The following HECTD2 variants were observed in gnomAD, a reference collection of about 807,000 sequenced individuals.
HECTD2 encodes probable E3 ubiquitin-protein ligase HECTD2.
Under a neutral mutation model 103.2 loss-of-function variants are expected in HECTD2, and 35 were observed. The observed-to-expected ratio is 0.34, with a 90% confidence interval of 0.26 to 0.45. The LOEUF is 0.45. HECTD2 is among the 20% of genes least tolerant of loss of function. HECTD2 has a pLI of 1.00. For missense variants in HECTD2, 596 were observed against 937.4 expected (o/e 0.64, Z 4.76); for synonymous variants, 281 against 329.9 (o/e 0.85, Z 1.61).
chr10:91,489,473 G>C (rs576871442), intron 11 of HECTD2: 2 of 152,138 alleles, frequency 1.3e-5, no homozygotes, highest in African/African-American at 4.8e-5. Context: ...GTCAAGAATT[G>C]TATCATTGTT....
At chr10:91,426,604 G>A (rs184444840) in intron 2 of HECTD2, among the ~76,000 whole-genome samples, 51 of 151,150 alleles carry the variant, frequency 3.4e-4, no homozygotes, top group African/African-American at 1.1e-3. Context: ...ACACCCCTCC[G>A]TCACGCCAAT....
At position 91,460,472 on chromosome 10, in the gene HECTD2, G is replaced by A. The variant is rs41286930; in HGVS notation, c.314G>A (p.Arg105His). The change falls in exon 3 of 21, where the codon CGT becomes CAT. Residue 105 changes from arginine (R) to histidine (H), a missense_variant. Transcript: ENST00000298068. ...PICLDVRQKQ[R>H]TSMDASSSEM... Reference sequence around the variant, plus strand: ...TGCCTTGATGTTAGACAAAAACAGCGTACATCTATGGATGCATCATCATCC... The same window carrying A: ...TGCCTTGATGTTAGACAAAAACAGCATACATCTATGGATGCATCATCATCC... The A allele has an allele frequency of 1.0e-4, 169 of 1,611,610 alleles. No homozygotes were observed. Among genetic ancestry groups the A allele is most frequent in the Non-Finnish European group, 1.3e-4 (155 of 1,178,620 alleles).
intron 20 of HECTD2, among the ~76,000 whole-genome samples, chr10:91,509,209 G>A (rs1484347115): frequency 6.6e-6 from 1 of 151,470 alleles, no homozygotes; most frequent in Non-Finnish European, 1.5e-5. Flanking sequence ...CACCAGCATG[G>A]CACATGTATA....
chr10:91,506,370 C>A (rs555545970), intron 20 of HECTD2, among the ~76,000 whole-genome samples: 1 of 152,256 alleles, frequency 6.6e-6, no homozygotes, highest in Non-Finnish European at 1.5e-5. Context: ...AATTGATAGA[C>A]CGCTAGCAAG....
intron 5 of HECTD2, among the ~76,000 whole-genome samples, chr10:91,471,003 G>GACACGCACGCACACACACACAC (rs2133238473): frequency 6.9e-6 from 1 of 144,004 alleles, no homozygotes; most frequent in African/African-American, 2.9e-5. Flanking sequence ...CACACACACA[G>GACACGCACGCACACACACACAC]ACACACACGC....
chr10:91,479,347 AG>A (rs1257806508), intron 6 of HECTD2, among the ~76,000 whole-genome samples: 2 of 152,216 alleles, frequency 1.3e-5, no homozygotes, highest in Non-Finnish European at 2.9e-5. Flanking sequence ...CATAAATTTC[AG>A]AATCAATAGA....
At chr10:91,438,440 C>T (rs1316201925) in intron 2 of HECTD2, among the ~76,000 whole-genome samples, 1 of 152,148 alleles carries the variant, frequency 6.6e-6, no homozygotes, top group Non-Finnish European at 1.5e-5. Flanking sequence ...CATAGTATTC[C>T]ATGGTGCATA....
chr10:91,471,276 G>C (rs933900684), intron 5 of HECTD2, among the ~76,000 whole-genome samples: 1 of 152,062 alleles, frequency 6.6e-6, no homozygotes, highest in Non-Finnish European at 1.5e-5. Context: ...CAGCTTCCCT[G>C]CATGTTAAAA....
At chr10:91,435,033 G>A (rs1589477034) in intron 2 of HECTD2, among the ~76,000 whole-genome samples, 2 of 152,000 alleles carry the variant, frequency 1.3e-5, no homozygotes, top group Admixed American at 1.3e-4. Context: ...AGCAACTGAT[G>A]GCACACATTT....
intron 5 of HECTD2, among the ~76,000 whole-genome samples, chr10:91,477,135 T>G (rs1845935728): frequency 6.7e-6 from 1 of 149,310 alleles, no homozygotes; most frequent in Admixed American, 6.7e-5. Context: ...GAGCCGAGAT[T>G]GCGCCACTGC....
intron 2 of HECTD2, among the ~76,000 whole-genome samples, chr10:91,433,347 C>T (rs566009877): frequency 6.6e-6 from 1 of 151,984 alleles, no homozygotes; most frequent in East Asian, 1.9e-4. Context: ...CTCTTGTATT[C>T]TTTCCTGTGG....
intron 5 of HECTD2, among the ~76,000 whole-genome samples, chr10:91,465,661 A>G (rs997311435): frequency 4.6e-5 from 7 of 152,084 alleles, no homozygotes; most frequent in African/African-American, 1.2e-4. Context: ...GATTTCATCA[A>G]CTGTTTCTTT....
At chr10:91,418,441 T>C (rs1347373748) in intron 1 of HECTD2, among the ~76,000 whole-genome samples, 2 of 152,196 alleles carry the variant, frequency 1.3e-5, no homozygotes, top group African/African-American at 4.8e-5. Context: ...TGCGTTGATT[T>C]TTTTTTGTGA....
chr10:91,417,456 G>T (rs1843173728), intron 1 of HECTD2, among the ~76,000 whole-genome samples: 1 of 151,618 alleles, frequency 6.6e-6, no homozygotes, highest in Non-Finnish European at 1.5e-5. Context: ...GTGCCATGTT[G>T]GTGTGCTGCA....
intron 18 of HECTD2, among the ~76,000 whole-genome samples, chr10:91,499,670 G>GA (rs1452027007): frequency 1.3e-5 from 2 of 152,224 alleles, no homozygotes; most frequent in African/African-American, 4.8e-5. Context: ...CTACTATTTA[G>GA]AATACCATGT....
chr10:91,485,712 G>C (rs1846242413), intron 10 of HECTD2: 1 of 155,628 alleles, frequency 6.4e-6, no homozygotes, highest in South Asian at 2.0e-4. Flanking sequence ...TAAATGAATA[G>C]ATATGTCTGT....
At chr10:91,449,202 G>T in intron 2 of HECTD2, among the ~76,000 whole-genome samples, 2 of 151,954 alleles carry the variant, frequency 1.3e-5, no homozygotes, top group Admixed American at 1.3e-4. Context: ...TACCCACCAC[G>T]ATCAAGTTGG....
intron 1 of HECTD2, among the ~76,000 whole-genome samples, chr10:91,418,430 T>G (rs2132992338): frequency 6.6e-6 from 1 of 152,290 alleles, no homozygotes; most frequent in South Asian, 2.1e-4. Flanking sequence ...ATATGATCAA[T>G]TGCGTTGATT....
chr10:91,497,789 C>G (rs1400746271), intron 15 of HECTD2, among the ~76,000 whole-genome samples: 16 of 152,150 alleles, frequency 1.1e-4, no homozygotes, highest in Admixed American at 1.0e-3. Context: ...AGAAATACTA[C>G]AAATTCATAA....
Sources: allele counts gnomAD v4.1 joint callset (sites outside exome capture counted in the v4.1 genomes callset), GRCh38; gene constraint gnomAD v4.1.1; transcripts MANE v1.5; gene names NCBI Gene and HGNC (gene_info 2026-07-23, HGNC 2026-07-21).